Variants in KAZN observed in about 807,000 individuals in gnomAD.
KAZN encodes kazrin.
In KAZN, 40 loss-of-function variants were observed where a neutral mutation model predicts 87.4. That is an observed-to-expected ratio of 0.46 (90% CI 0.36 to 0.60). The LOEUF is 0.60. KAZN is among the 20% of genes least tolerant of loss of function. The pLI is 0.00. For synonymous variants in KAZN, 466 were observed against 458.3 expected, an observed-to-expected ratio of 1.02 and a Z score of -0.22; for missense variants, 898 against 1,073.9, an observed-to-expected ratio of 0.84 and a Z score of 2.29.
intron 2 of KAZN, among the ~76,000 whole-genome samples, chr1:14,199,058 A>G (rs2100397015): frequency 6.6e-6 from 1 of 152,334 alleles, no homozygotes; most frequent in South Asian, 2.1e-4. Context: ...TGATATGGGA[A>G]TAAGGATAAG....
intron 2 of KAZN, among the ~76,000 whole-genome samples, chr1:14,219,910 C>T (rs751228978): frequency 6.6e-5 from 10 of 152,182 alleles, no homozygotes; most frequent in Non-Finnish European, 2.9e-5. Context: ...ATGACTGAAA[C>T]CCACTGTCTG....
At chr1:14,303,121 A>G (rs1027647842) in intron 2 of KAZN, among the ~76,000 whole-genome samples, 58 of 152,304 alleles carry the variant, frequency 3.8e-4, no homozygotes, top group African/African-American at 1.3e-3. Context: ...TTTAATGATT[A>G]AACAAAGAAG....
chr1:14,527,174 G>A (rs779283771), intron 2 of KAZN, among the ~76,000 whole-genome samples: 1 of 152,112 alleles, frequency 6.6e-6, no homozygotes, highest in African/African-American at 2.4e-5. Flanking sequence ...GACTGCTGCT[G>A]GGCCTGGAGT....
chr1:13,952,789 T>C (rs138292207), intron 1 of KAZN, among the ~76,000 whole-genome samples: 40 of 152,308 alleles, frequency 2.6e-4, no homozygotes, highest in African/African-American at 8.9e-4. Context: ...GGAGCTCAAA[T>C]ACCAGTAGTA....
At chr1:14,244,049 G>T (rs933514687) in intron 2 of KAZN, among the ~76,000 whole-genome samples, 1 of 152,148 alleles carries the variant, frequency 6.6e-6, no homozygotes, top group Admixed American at 6.5e-5. Flanking sequence ...TAAAGTAATA[G>T]AAACAACAAT....
rs1014876159 is a variant in KAZN, at chr1:15,002,353, G to A, written c.419-32396G>A. 5.3e-5 allele frequency among the ~76,000 whole-genome samples: 8 copies of A among 152,196 alleles called. No homozygotes were observed. In the East Asian group the frequency reaches 1.2e-3, roughly 22 times the overall value. ...AAATCTGGGGGTACAGCCTGCTGAC[G>A]CTGTTGACTCCTTGACTGGGCCAAG... is the stretch of plus-strand genomic sequence containing the variant. On this transcript the variant is annotated intron_variant, in intron 2 of 14. Transcript: ENST00000376030.
intron 1 of KAZN, among the ~76,000 whole-genome samples, chr1:14,092,209 G>A (rs1644013466): frequency 1.3e-5 from 2 of 148,722 alleles, no homozygotes; most frequent in Admixed American, 6.7e-5. Flanking sequence ...TCCTGCCTCA[G>A]CCTCCCCAGC....
chr1:13,995,488 G>A (rs778930998), intron 1 of KAZN, among the ~76,000 whole-genome samples: 1 of 152,088 alleles, frequency 6.6e-6, no homozygotes, highest in Non-Finnish European at 1.5e-5. Flanking sequence ...TCTAACAAGA[G>A]TTTTTTTCTG....
At chr1:15,000,530 G>A (rs960003126) in intron 2 of KAZN, among the ~76,000 whole-genome samples, 7 of 151,784 alleles carry the variant, frequency 4.6e-5, no homozygotes, top group Middle Eastern at 3.4e-3. Context: ...AGAGGGTGTC[G>A]TGAGAGAGCC....
chr1:14,858,204 TTTTTC>T (rs1189494521), intron 1 of KAZN, among the ~76,000 whole-genome samples: 6 of 116,732 alleles, frequency 5.1e-5, no homozygotes, highest in Non-Finnish European at 8.4e-5. Context: ...TTCTTTTTTC[TTTTTC>T]TTTTCTTTTT....
At chr1:14,541,713 G>A (rs1672824256) in intron 2 of KAZN, among the ~76,000 whole-genome samples, 6 of 152,204 alleles carry the variant, frequency 3.9e-5, no homozygotes, top group Admixed American at 2.0e-4. Flanking sequence ...TCTTACAAGT[G>A]TTTCTGTCTG....
rs536392642 is a variant in KAZN at position 14,467,109 on chromosome 1, G to A, written c.250-131874G>A. Among the ~76,000 whole-genome samples the A allele has an allele frequency of 2.3e-3, 353 of 152,110 alleles. 1 individual carries two copies. The highest frequency in any genetic ancestry group is 0.01 in the Middle Eastern group (3 of 294). The stretch of plus-strand genomic sequence containing the variant: ...CTGATTTTAAAAATAACTACATAAA[G>A]CAATTATGATAAAATTGTGCCAATG... On this transcript the variant is annotated intron_variant, in intron 2 of 16. Transcript: ENST00000636203.
chr1:14,396,066 G>C (rs1266230627), intron 2 of KAZN, among the ~76,000 whole-genome samples: 5 of 151,352 alleles, frequency 3.3e-5, no homozygotes, highest in Non-Finnish European at 7.4e-5. Context: ...CACTCAGGAG[G>C]CTGAGGCAAG....
chr1:14,314,688 C>A (rs1032298259), intron 2 of KAZN, among the ~76,000 whole-genome samples: 3 of 152,100 alleles, frequency 2.0e-5, no homozygotes, highest in Non-Finnish European at 4.4e-5. Flanking sequence ...AATTTACCTA[C>A]TGTAAAATTC....
At chr1:14,529,300 A>C (rs1035646330) in intron 2 of KAZN, among the ~76,000 whole-genome samples, 1 of 152,158 alleles carries the variant, frequency 6.6e-6, no homozygotes, top group Non-Finnish European at 1.5e-5. Context: ...GCGAGTCTTC[A>C]TCTAAAAAAT....
At chr1:13,940,481 A>G (rs1397279303) in intron 1 of KAZN, among the ~76,000 whole-genome samples, 1 of 152,142 alleles carries the variant, frequency 6.6e-6, no homozygotes, top group Non-Finnish European at 1.5e-5. Flanking sequence ...TGTCAGTTGT[A>G]ATGCTACCTT....
intron 1 of KAZN, among the ~76,000 whole-genome samples, chr1:14,928,025 G>A (rs140821397): frequency 6.6e-6 from 1 of 152,170 alleles, no homozygotes; most frequent in East Asian, 1.9e-4. Context: ...TCCACAGATG[G>A]GGAAACTGGT....
chr1:14,139,322 G>A (rs746054268), intron 1 of KAZN, among the ~76,000 whole-genome samples: 6 of 152,250 alleles, frequency 3.9e-5, no homozygotes, highest in South Asian at 2.1e-4. Flanking sequence ...TCATCATTCC[G>A]GCAAAACCTA....
At chr1:14,111,929 G>A (rs954792699) in intron 1 of KAZN, among the ~76,000 whole-genome samples, 11 of 151,866 alleles carry the variant, frequency 7.2e-5, no homozygotes, top group Non-Finnish European at 1.0e-4. Context: ...TAGTAGAGAC[G>A]GGCTTTCACC....
Sources: gnomAD v4.1 joint callset for allele counts (sites outside exome capture counted in the v4.1 genomes callset) on GRCh38, gnomAD v4.1.1 for gene constraint, MANE v1.5 for transcripts, NCBI Gene and HGNC (gene_info 2026-07-23, HGNC 2026-07-21) for gene names.